Variants in CALCRL observed in about 807,000 individuals in gnomAD.
CALCRL encodes the protein calcitonin gene-related peptide type 1 receptor.
CALCRL carries 27 observed loss-of-function variants against 60.4 expected under a neutral mutation model. That is an observed-to-expected ratio of 0.45 (90% CI 0.33 to 0.62). The LOEUF is 0.62. Ranked by LOEUF, CALCRL falls within the 20% of genes least tolerant of loss-of-function variation. The pLI, the probability that CALCRL is intolerant of heterozygous loss-of-function variation, is 0.03. For missense variants in CALCRL, 424 were observed against 540.7 expected (o/e 0.78, Z 2.14); for synonymous variants, 190 against 182.6 (o/e 1.04, Z -0.33).
intron 1 of CALCRL, among the ~76,000 whole-genome samples, chr2:187,411,923 G>T (rs1689378243): frequency 6.8e-6 from 1 of 147,646 alleles, no homozygotes; most frequent in Non-Finnish European, 1.5e-5. Flanking sequence ...GTGAACCTGG[G>T]AGGCGGAGCT....
chr2:187,441,718 T>C (rs923019401), intron 1 of CALCRL, among the ~76,000 whole-genome samples: 1 of 151,998 alleles, frequency 6.6e-6, no homozygotes, highest in African/African-American at 2.4e-5. Flanking sequence ...ACTGCAATAT[T>C]ACCAGATTTT....
chr2:187,384,786 G>T (rs537594752), intron 4 of CALCRL, among the ~76,000 whole-genome samples: 1 of 152,164 alleles, frequency 6.6e-6, no homozygotes, highest in South Asian at 2.1e-4. Flanking sequence ...GCTGCCACAG[G>T]ATTAGATGAG....
At chr2:187,359,033 A>G (rs780824073) in intron 12 of CALCRL, 30 bp downstream of exon 12, 29 of 1,555,826 alleles carry the variant, frequency 1.9e-5, no homozygotes, top group East Asian at 1.6e-4. Context: ...AATGTGAGCA[A>G]TGATAAGGAA....
At chr2:187,392,231 A>G (rs1317249324) in intron 1 of CALCRL, among the ~76,000 whole-genome samples, 1 of 152,138 alleles carries the variant, frequency 6.6e-6, no homozygotes, top group African/African-American at 2.4e-5. Flanking sequence ...ATTAAGAAAA[A>G]TAATAACCTA....
chr2:187,383,263 T>C lies in CALCRL; in HGVS notation c.94A>G (p.Ile32Val). 4 of 1,611,236 alleles carry C rather than the reference T, an allele frequency of 2.5e-6. No individual in the cohort carries two copies. Among genetic ancestry groups the C allele is most frequent in the Non-Finnish European group, 3.4e-6 (4 of 1,178,290 alleles). The change falls in exon 5 of 15, where the codon ATT becomes GTT. Residue 32 changes from isoleucine to valine, a missense_variant. Physicochemically the swap from Ile to Val is conservative, Grantham distance 29. Transcript: ENST00000392370. ...AELEESPEDS[I>V]QLGVTRNKIM... ...TTATTTCTAGTAACTCCCAACTGAATTGAGTCCTCAGGACTCTCTTCTAAT... is the reference window on the plus strand; with the variant it reads ...TTATTTCTAGTAACTCCCAACTGAACTGAGTCCTCAGGACTCTCTTCTAAT...
Position 187,360,451 on chromosome 2 carries a change from G to A in CALCRL, c.781+147C>T, listed in dbSNP as rs915354283. ...TCAGTGATACTTTGCTTAAAATGTTGCAATTTACAAGAATAAGCAAAAGTT... is the reference window on the plus strand; with the variant it reads ...TCAGTGATACTTTGCTTAAAATGTTACAATTTACAAGAATAAGCAAAAGTT... On this transcript the variant is annotated intron_variant, in intron 10 of 14. Transcript: ENST00000392370. 9 of 628,380 alleles carry A rather than the reference G, an allele frequency of 1.4e-5. No homozygotes were observed. The African/African-American group carries it at 1.7e-4, about 12-fold the overall frequency. 38.9% of individuals were successfully genotyped at this position (628,380 alleles called of 1,614,324 possible).
In CALCRL at chr2:187,352,212, A is replaced by G. The variant is rs775765400; in HGVS notation, c.1030T>C (p.Leu344=). ...ATCAGCACAAATTCAATGCCAAGCA[A>G]TGGCACCAAGATAAGAGTAGCTCTC... The part of the protein sequence containing the change: ...AVRATLILVP[L]LGIEFVLIPW... The change falls in exon 13 of 15, where the codon TTG becomes CTG. Residue 344 remains leucine, a synonymous_variant. Transcript: ENST00000392370. 9.3e-6 allele frequency: 15 copies of G among 1,612,210 alleles called. No individual in the cohort carries two copies. The East Asian group carries it at 1.6e-4, about 17-fold the overall frequency.
At chr2:187,370,660 T>G (rs1687479613) in intron 8 of CALCRL, among the ~76,000 whole-genome samples, 1 of 152,190 alleles carries the variant, frequency 6.6e-6, no homozygotes, top group African/African-American at 2.4e-5. Context: ...TTTCCATACC[T>G]GGGACTCTTC....
chr2:187,435,868 G>GTGTGTGTT (rs879337510), intron 1 of CALCRL, among the ~76,000 whole-genome samples: 1 of 133,774 alleles, frequency 7.5e-6, no homozygotes, highest in Non-Finnish European at 1.7e-5. Context: ...GTTTGTGCGT[G>GTGTGTGTT]CGTGTGTGTG....
chr2:187,422,803 T>C (rs1180837919), intron 1 of CALCRL, among the ~76,000 whole-genome samples: 2 of 151,952 alleles, frequency 1.3e-5, no homozygotes, highest in Admixed American at 6.6e-5. Context: ...AGAGAAATGG[T>C]ATAATTCTGA....
intron 1 of CALCRL, among the ~76,000 whole-genome samples, chr2:187,420,055 CAA>C (rs781043186): frequency 6.6e-6 from 1 of 152,126 alleles, no homozygotes; most frequent in Admixed American, 6.5e-5. Context: ...GAAATTACTC[CAA>C]AACCTAGGAA....
chr2:187,381,298 CCTTTT>C (rs1289797677), intron 5 of CALCRL, among the ~76,000 whole-genome samples: 1 of 152,012 alleles, frequency 6.6e-6, no homozygotes, highest in African/African-American at 2.4e-5. Context: ...ACTCTTCATT[CCTTTT>C]CTTTTCAAAT....
chr2:187,391,939 A>G (rs571574299), intron 1 of CALCRL, among the ~76,000 whole-genome samples: 1 of 152,208 alleles, frequency 6.6e-6, no homozygotes, highest in African/African-American at 2.4e-5. Context: ...TTTCCCAAAT[A>G]CTTAAATTTT....
chr2:187,353,665 G>T (rs1408201168), intron 12 of CALCRL, among the ~76,000 whole-genome samples: 1 of 151,956 alleles, frequency 6.6e-6, no homozygotes, highest in East Asian at 1.9e-4. Flanking sequence ...TTCAACAGGT[G>T]TGAGAATGAA....
rs1289640533 is a variant in CALCRL, at chr2:187,383,272, C to T, written c.85G>A (p.Glu29Lys). 3.1e-6 allele frequency: 5 copies of T among 1,607,172 alleles called. No homozygotes were observed. The highest frequency in any genetic ancestry group is 4.3e-6 in the Non-Finnish European group (5 of 1,175,718). Reference protein sequence around the residue: ...LVTAELEESPEDSIQLGVTRN... With the variant: ...LVTAELEESPKDSIQLGVTRN... ...GTAACTCCCAACTGAATTGAGTCCT[C>T]AGGACTCTCTTCTAATTCTGCTGTA... The change falls in exon 5 of 15, where the codon GAG (glutamate) becomes AAG (lysine). Residue 29 changes from glutamate (E) to lysine (K), a missense_variant. Around this residue, in one of 7 missense-constraint regions of CALCRL, gnomAD observed 108 missense variants for 132.9 expected, o/e 0.81. Coordinates refer to ENST00000392370, the MANE Select transcript of CALCRL (RefSeq NM_005795.6).
At chr2:187,379,847 G>A (rs1687914755) in intron 7 of CALCRL, among the ~76,000 whole-genome samples, 1 of 152,060 alleles carries the variant, frequency 6.6e-6, no homozygotes, top group African/African-American at 2.4e-5. Flanking sequence ...TCAAACAGCT[G>A]GTAAGAAGTA....
intron 4 of CALCRL, 75 bp from the exon 5 acceptor site, chr2:187,383,380 T>A: frequency 7.5e-7 from 1 of 1,325,664 alleles, no homozygotes; most frequent in Non-Finnish European, 1.0e-6. Context: ...AGGCAGTCTG[T>A]CACAGTAGAA....
At position 187,379,390 on chromosome 2, in the gene CALCRL, C is replaced by T. The variant is rs935879322; in HGVS notation, c.409-359G>A. Among the ~76,000 whole-genome samples, 9 of 151,884 alleles carry T rather than the reference C, an allele frequency of 5.9e-5. No individual in the cohort carries two copies. The South Asian group carries it at 1.2e-3, about 21-fold the overall frequency. On this transcript the variant is annotated intron_variant, in intron 7 of 14. Coordinates refer to ENST00000392370, the MANE Select transcript of CALCRL (RefSeq NM_005795.6). ...TTTGTGCACCTTCAAACAAATGCTA[C>T]GTGATGATTTGTTTTGTTCAGATGT...
chr2:187,443,321 A>C (rs1159063937), intron 1 of CALCRL, among the ~76,000 whole-genome samples: 1 of 151,876 alleles, frequency 6.6e-6, no homozygotes, highest in Non-Finnish European at 1.5e-5. Flanking sequence ...TAAGGTGAAC[A>C]TGAAAATTTA....
Sources: gnomAD v4.1 joint callset for allele counts (sites outside exome capture counted in the v4.1 genomes callset) on GRCh38, gnomAD v4.1.1 for gene constraint, gnomAD v4.1.1 regional missense constraint, MANE v1.5 for transcripts, NCBI Gene and HGNC (gene_info 2026-07-23, HGNC 2026-07-21) for gene names.